FNDC3A: variants seen among roughly 807,000 people sequenced by gnomAD.
The protein encoded by FNDC3A is fibronectin type III domain containing 3A, also known as fibronectin type-III domain-containing protein 3A.
A neutral mutation model predicts 148.9 loss-of-function variants in FNDC3A; 32 were observed. That is an observed-to-expected ratio of 0.21 (90% confidence interval 0.16 to 0.29). FNDC3A has a LOEUF of 0.29. Among genes scored for constraint, FNDC3A ranks in the 10% least tolerant of loss-of-function variants. The pLI is 1.00. For missense variants in FNDC3A, 1,191 were observed against 1,452.8 expected, an observed-to-expected ratio of 0.82 and a Z score of 2.93; for synonymous variants, 472 against 473.6, an observed-to-expected ratio of 1.00 and a Z score of 0.04.
rs879811555 is a variant in FNDC3A, at chr13:49,137,074, ATC to A, written c.760+475_760+476del. Among the ~76,000 whole-genome samples, 1,161 of 152,002 alleles carry A rather than the reference ATC, an allele frequency of 7.6e-3. 12 individuals are homozygous for A. The highest frequency in any genetic ancestry group is 0.012 in the Non-Finnish European group (825 of 67,968). ...TCTCCTGGGCTCAAGCAGTCCTCCC[ATC>A]TTGGCCTCTCAAAGTGCTGCAATTA... On this transcript the variant is annotated intron_variant, in intron 6 of 25. Coordinates refer to ENST00000492622, the MANE Select transcript of FNDC3A (RefSeq NM_001079673.2).
rs866892024 is a variant in FNDC3A, at chr13:49,037,104, A to C, written c.99+30815A>C. Among the ~76,000 whole-genome samples the C allele has an allele frequency of 3.9e-5, 6 of 152,330 alleles. 1 individual carries two copies. Among genetic ancestry groups the C allele is most frequent in the Middle Eastern group, 3.4e-3 (1 of 294 alleles). On this transcript the variant is annotated intron_variant, in intron 2 of 25. Coordinates refer to ENST00000492622, the MANE Select transcript of FNDC3A (RefSeq NM_001079673.2). ...TTGTGTTCTAGGTATATTCTCTTTC[A>C]TGTGCGTCCACTTGGCTAGGCTAGA... is the stretch of plus-strand genomic sequence containing the variant.
chr13:49,188,976 C>G (rs980622800), intron 17 of FNDC3A, among the ~76,000 whole-genome samples: 1 of 152,154 alleles, frequency 6.6e-6, no homozygotes, highest in Non-Finnish European at 1.5e-5. Context: ...TTTACTGCTC[C>G]ATAAATTATG....
At chr13:48,986,757 C>T (rs975623828) in intron 1 of FNDC3A, among the ~76,000 whole-genome samples, 11 of 152,040 alleles carry the variant, frequency 7.2e-5, no homozygotes, top group African/African-American at 2.7e-4. Context: ...AATCTTTAAC[C>T]AAGGCATAGT....
chr13:49,030,461 G>A (rs989675021), intron 2 of FNDC3A, among the ~76,000 whole-genome samples: 1 of 152,178 alleles, frequency 6.6e-6, no homozygotes, highest in Non-Finnish European at 1.5e-5. Flanking sequence ...TGAGAAACAA[G>A]ATATGGATGT....
intron 4 of FNDC3A, among the ~76,000 whole-genome samples, chr13:49,130,608 T>G (rs1881969565): frequency 3.9e-5 from 6 of 152,218 alleles, no homozygotes; most frequent in Admixed American, 3.9e-4. Context: ...TTAGCTTGTC[T>G]AATCAGTGTT....
intron 1 of FNDC3A, among the ~76,000 whole-genome samples, chr13:48,989,975 C>T (rs1951882497): frequency 6.6e-6 from 1 of 152,056 alleles, no homozygotes; most frequent in African/African-American, 2.4e-5. Flanking sequence ...TGGTCTCCAT[C>T]TCTTGACCTC....
chr13:49,086,256 G>T (rs1878807369), intron 3 of FNDC3A, among the ~76,000 whole-genome samples: 1 of 152,072 alleles, frequency 6.6e-6, no homozygotes, highest in Admixed American at 6.6e-5. Context: ...ATAGAAGATG[G>T]TTTATTTCTT....
intron 8 of FNDC3A, chr13:49,146,255 ATG>A (rs1255329237): frequency 2.4e-5 from 5 of 211,806 alleles, no homozygotes; most frequent in Non-Finnish European, 4.6e-5. Flanking sequence ...ATGACCAAAA[ATG>A]GACAATTCAT....
rs1884370483 is a variant in FNDC3A, at chr13:49,164,869, G to A, written c.978-2375G>A. Among the ~76,000 whole-genome samples, 6 of 152,336 alleles carry A rather than the reference G, an allele frequency of 3.9e-5. No homozygotes were observed. The South Asian group carries it at 1.2e-3, about 32-fold the overall frequency. The stretch of plus-strand genomic sequence containing the variant: ...GATCCGCCTGCCTCGGCCTCCCGAA[G>A]TTTATCTTTGTCTCACTGGGTTATT... On this transcript the variant is annotated intron_variant, in intron 8 of 25. Coordinates refer to ENST00000492622, the MANE Select transcript of FNDC3A (RefSeq NM_001079673.2).
At chr13:49,171,989 T>A in intron 10 of FNDC3A, 54 bp from the exon 11 acceptor site, 1 of 1,177,622 alleles carries the variant, frequency 8.5e-7, no homozygotes. Context: ...CATCACAGTA[T>A]CATTTATGAA....
intron 24 of FNDC3A, among the ~76,000 whole-genome samples, chr13:49,202,883 G>A (rs2138140629): frequency 6.6e-6 from 1 of 152,326 alleles, no homozygotes; most frequent in Non-Finnish European, 1.5e-5. Context: ...GCATATGCCT[G>A]TGTGTGTAGC....
chr13:49,201,996 T>G, intron 24 of FNDC3A, 30 bp downstream of exon 24: 1 of 1,322,268 alleles, frequency 7.6e-7, no homozygotes, highest in Non-Finnish European at 1.0e-6. Context: ...CTTATTTTCT[T>G]TATAATAAAT....
chr13:49,138,222 C>G (rs74430080), intron 6 of FNDC3A, among the ~76,000 whole-genome samples: 5,911 of 152,114 alleles, frequency 0.039, 346 homozygotes, highest in African/African-American at 0.12. Flanking sequence ...TAAATGTTCT[C>G]CCATTTATTT....
chr13:49,138,435 T>C (rs1882505228), intron 6 of FNDC3A, among the ~76,000 whole-genome samples: 1 of 152,142 alleles, frequency 6.6e-6, no homozygotes, highest in South Asian at 2.1e-4. Flanking sequence ...GAGAGAATAT[T>C]CTTACAACCA....
Position 49,145,779 on chromosome 13 carries a change from C to T in FNDC3A, c.821C>T (p.Ala274Val), listed in dbSNP as rs201547692. Residue 274 changes from alanine (A) to valine (V), a missense_variant and splice_region_variant, in exon 8 of 26, where the codon GCC becomes GTC. Physicochemically the swap from Ala to Val is moderately conservative, Grantham distance 64. Coordinates refer to ENST00000492622, the MANE Select transcript of FNDC3A (RefSeq NM_001079673.2). ...ALLSNIVKPV[A>V]SDIQARTVVL... ...CTTTTAAATGTTGTATTTTTACAGG[C>T]CTCCGACATCCAGGCAAGGACAGTA... 2.9e-5 allele frequency: 46 copies of T among 1,613,190 alleles called. No homozygotes were observed. The African/African-American group carries it at 5.3e-4, about 19-fold the overall frequency.
Position 49,061,314 on chromosome 13 carries a change from C to CTT in FNDC3A, c.100-13974_100-13973dup, listed in dbSNP as rs1419532502. ...CTTTTCCATTTTCCATTTTCCCTCT[C>CTT]TTCTCTTCCCTTCCCTTCCCTTCCC... On this transcript the variant is annotated intron_variant, in intron 2 of 25. Transcript: ENST00000492622. 8.7e-4 allele frequency among the ~76,000 whole-genome samples: 94 copies of CTT among 107,792 alleles called. 2 individuals are homozygous for CTT. The highest frequency in any genetic ancestry group is 4.3e-3 in the East Asian group (14 of 3,254). 70.7% of individuals were successfully genotyped at this position (107,792 alleles called of 152,430 possible). A position where few individuals can be genotyped will look rare whatever the true frequency, so the allele number is the denominator to read the frequency against.
intron 4 of FNDC3A, among the ~76,000 whole-genome samples, chr13:49,122,171 C>A (rs1340490259): frequency 6.6e-6 from 1 of 152,140 alleles, no homozygotes; most frequent in Non-Finnish European, 1.5e-5. Context: ...TCTGCTTCAT[C>A]CCTGGGATGC....
chr13:49,063,015 G>A (rs1015012881), intron 2 of FNDC3A, among the ~76,000 whole-genome samples: 2 of 152,024 alleles, frequency 1.3e-5, no homozygotes, highest in Non-Finnish European at 2.9e-5. Context: ...GGTTTTCTTA[G>A]TTTTATTTCT....
chr13:49,114,564 G>A (rs1880807071), intron 3 of FNDC3A, 91 bp from the exon 4 acceptor site: 1 of 817,076 alleles, frequency 1.2e-6, no homozygotes. Context: ...TGAGTGTTTA[G>A]ATGAAGTATT....
Sources: allele counts gnomAD v4.1 joint callset (sites outside exome capture counted in the v4.1 genomes callset), GRCh38; gene constraint gnomAD v4.1.1; transcripts MANE v1.5; gene names NCBI Gene and HGNC (gene_info 2026-07-23, HGNC 2026-07-21).